Variants in SNX25 observed in about 807,000 individuals in gnomAD.
SNX25 encodes sorting nexin 25.
In SNX25, 62 loss-of-function variants were observed where a neutral mutation model predicts 113.7. The ratio of observed to expected loss-of-function variants is 0.55; its 90% CI spans 0.44 to 0.67. The LOEUF (loss-of-function observed/expected upper bound fraction) is 0.67. Among genes scored for constraint, SNX25 ranks in the 30% least tolerant of loss-of-function variants. The probability of loss-of-function intolerance (pLI) is 0.00; values close to 1 mark genes in which losing one functional copy is unlikely to be tolerated. For synonymous variants in SNX25, 421 were observed against 436.2 expected (o/e 0.97, Z 0.43); for missense variants, 1,014 against 1,161.0 (o/e 0.87, Z 1.84).
rs139478821 is a variant in SNX25 at position 185,337,787 on chromosome 4, A to G, written c.1915-1592A>G. Among the ~76,000 whole-genome samples, 13 of 152,324 alleles carry G rather than the reference A, an allele frequency of 8.5e-5. No homozygotes were observed. The East Asian group carries it at 2.5e-3, about 29-fold the overall frequency. On this transcript the variant is annotated intron_variant, in intron 10 of 18. Transcript: ENST00000652585. ...GTTATTTTCTTATTTCATAACCATT[A>G]GGATATTTCTTATTTCATAACCAAT...
At chr4:185,336,467 A>C (rs1237924523) in intron 10 of SNX25, among the ~76,000 whole-genome samples, 1 of 152,210 alleles carries the variant, frequency 6.6e-6, no homozygotes, top group African/African-American at 2.4e-5. Context: ...AATAGTCTCA[A>C]ATTCCATCCA....
chr4:185,332,527 C>A, intron 9 of SNX25, 68 bp from the exon 10 acceptor site: 1 of 1,439,752 alleles, frequency 6.9e-7, no homozygotes, highest in South Asian at 1.6e-5. Context: ...AACAGGGTAT[C>A]GTGACCGATA....
chr4:185,302,425 C>A (rs1473621134), intron 6 of SNX25, among the ~76,000 whole-genome samples: 1 of 152,086 alleles, frequency 6.6e-6, no homozygotes, highest in Non-Finnish European at 1.5e-5. Context: ...TGGGATCTGG[C>A]ACTGTCTTTA....
chr4:185,222,113 G>A (rs1409627719), intron 1 of SNX25, among the ~76,000 whole-genome samples: 1 of 21,584 alleles, frequency 4.6e-5, no homozygotes, highest in South Asian at 1.6e-3. Flanking sequence ...TAGATATATA[G>A]CAGATATATA....
rs879206881 is a variant in SNX25, at chr4:185,353,334, G to A, written c.2467-151G>A. 54 of 595,028 alleles carry A rather than the reference G, an allele frequency of 9.1e-5. No homozygotes were observed. In the East Asian group the frequency reaches 1.4e-3, roughly 16 times the overall value. The allele number at this position is 595,028 out of a possible 1,614,324, so 36.9% of individuals were successfully genotyped here. ...TCAAGCTTTTCTGAATCTGTCCTCT[G>A]TGTTGAAAATGGTAGTTTCTGCATG... is the stretch of plus-strand genomic sequence containing the variant. On this transcript the variant is annotated intron_variant, in intron 14 of 18. Transcript: ENST00000652585.
intron 1 of SNX25, among the ~76,000 whole-genome samples, chr4:185,230,392 A>AT (rs35035428): frequency 0.54 from 75,046 of 139,740 alleles, 20,172 homozygotes; most frequent in East Asian, 0.71. Context: ...AGGAATCATA[A>AT]TTTTTTTTTT....
chr4:185,334,439 C>A lies in SNX25; in HGVS notation c.1914+1680C>A, dbSNP rs1437240991. Among the ~76,000 whole-genome samples, 1 of 152,194 alleles carries A rather than the reference C, an allele frequency of 6.6e-6. No homozygotes were observed. The highest frequency in any genetic ancestry group is 2.4e-5 in the African/African-American group (1 of 41,440). On this transcript the variant is annotated intron_variant, in intron 10 of 18. Transcript: ENST00000652585. This position sits in a 1 kb window ranked among gnomAD's most constrained non-coding sequence, Gnocchi z 4.2. The stretch of plus-strand genomic sequence containing the variant: ...TCATCAGAAATAGTTCATTCTCCCC[C>A]TTATGTGGAGTCACTCCCATTTACT...
intron 1 of SNX25, among the ~76,000 whole-genome samples, chr4:185,217,957 A>G (rs1739143623): frequency 6.6e-6 from 1 of 152,180 alleles, no homozygotes; most frequent in South Asian, 2.1e-4. Flanking sequence ...TAGGTCACCT[A>G]TGCCACCTAG....
chr4:185,321,361 C>T (rs1399037636), intron 8 of SNX25, among the ~76,000 whole-genome samples: 2 of 150,876 alleles, frequency 1.3e-5, no homozygotes, highest in East Asian at 2.0e-4. Context: ...CTCCCAGGTT[C>T]AAGCGGTTCT....
intron 9 of SNX25, among the ~76,000 whole-genome samples, chr4:185,325,527 C>T (rs1415314854): frequency 3.4e-5 from 3 of 89,012 alleles, no homozygotes; most frequent in Non-Finnish European, 7.0e-5. Flanking sequence ...TGTGAGACTC[C>T]GTCTCAAAAA....
chr4:185,363,678 G>A lies in SNX25; in HGVS notation c.*213G>A. The A allele has an allele frequency of 2.3e-6, 1 of 436,770 alleles. No individual in the cohort carries two copies. The highest frequency in any genetic ancestry group is 3.7e-5 in the Admixed American group (1 of 27,272). 27.1% of individuals were successfully genotyped at this position (436,770 alleles called of 1,614,324 possible). Reference sequence around the variant, plus strand: ...ACTTCTATTGATTTTAATTTAATATGAATACTTTAAAGATCAACATACCGA... The same window carrying A: ...ACTTCTATTGATTTTAATTTAATATAAATACTTTAAAGATCAACATACCGA... On this transcript the variant is annotated 3_prime_UTR_variant, in exon 19 of 19. Coordinates refer to ENST00000652585, the MANE Select transcript of SNX25 (RefSeq NM_001378034.2). This position sits in a 1 kb window ranked among gnomAD's most constrained non-coding sequence, Gnocchi z 4.2.
At chr4:185,314,324 C>CAAAAAAA (rs35324892) in intron 7 of SNX25, among the ~76,000 whole-genome samples, 1 of 75,360 alleles carries the variant, frequency 1.3e-5, no homozygotes, top group African/African-American at 5.6e-5. Context: ...CCCCTCTCTA[C>CAAAAAAA]AAAAAAAAAA....
the SNX25 span, chr4:185,378,226 A>G: frequency 2.1e-5 from 33 of 1,603,554 alleles, 1 homozygote; most frequent in African/African-American, 4.3e-4. Flanking sequence ...AAGAAGAAAA[A>G]ATAAGTGGTA....
chr4:185,268,404 G>A (rs1748440530), intron 5 of SNX25, among the ~76,000 whole-genome samples: 1 of 152,106 alleles, frequency 6.6e-6, no homozygotes, highest in Admixed American at 6.6e-5. Context: ...TTTAGGGGGT[G>A]TGTATTTTTG....
chr4:185,220,399 A>AT (rs1739599955), intron 1 of SNX25, among the ~76,000 whole-genome samples: 1 of 151,424 alleles, frequency 6.6e-6, no homozygotes, highest in African/African-American at 2.4e-5. Flanking sequence ...GTCATTTAGC[A>AT]TTAGGTATAT....
intron 1 of SNX25, among the ~76,000 whole-genome samples, chr4:185,241,629 T>A (rs1436424156): frequency 6.7e-6 from 1 of 150,090 alleles, no homozygotes; most frequent in African/African-American, 2.5e-5. Context: ...GCGGTCTGGT[T>A]CACCAAGAGC....
chr4:185,273,237 G>A (rs570729307), intron 5 of SNX25, among the ~76,000 whole-genome samples: 38 of 152,250 alleles, frequency 2.5e-4, no homozygotes, highest in African/African-American at 9.1e-4. Context: ...TGAGATACAC[G>A]TGACCAATAA....
chr4:185,348,772 T>C (rs990527417), intron 13 of SNX25, among the ~76,000 whole-genome samples: 1 of 152,214 alleles, frequency 6.6e-6, no homozygotes, highest in African/African-American at 2.4e-5. Context: ...AATACTTTAC[T>C]GTTAGCCATA....
At chr4:185,207,355 TA>T (rs1214205434), upstream of SNX25, among the ~76,000 whole-genome samples, 3 of 151,722 alleles carry the variant, frequency 2.0e-5, no homozygotes, top group East Asian at 5.9e-4. Flanking sequence ...TAGCTGGGAC[TA>T]CAGGCGCACA....
Sources: gnomAD v4.1 joint callset for allele counts (sites outside exome capture counted in the v4.1 genomes callset) on GRCh38, gnomAD v4.1.1 for gene constraint, Gnocchi (gnomAD v3.1) non-coding constraint, MANE v1.5 for transcripts, NCBI Gene and HGNC (gene_info 2026-07-23, HGNC 2026-07-21) for gene names.